The following EDAR variants were observed in gnomAD, a reference collection of about 807,000 sequenced individuals.
EDAR encodes tumor necrosis factor receptor superfamily member EDAR.
A neutral mutation model predicts 51.3 loss-of-function variants in EDAR; 38 were observed. That is an observed-to-expected ratio of 0.74 (90% CI 0.57 to 0.97). EDAR has a LOEUF of 0.97. EDAR is among the 50% of genes least tolerant of loss of function. The probability of loss-of-function intolerance (pLI) is 0.00; values close to 1 mark genes in which losing one functional copy is unlikely to be tolerated. For missense variants in EDAR, 528 were observed against 595.0 expected, an observed-to-expected ratio of 0.89 and a Z score of 1.17; for synonymous variants, 227 against 242.1, an observed-to-expected ratio of 0.94 and a Z score of 0.58.
intron 1 of EDAR, among the ~76,000 whole-genome samples, chr2:108,944,573 G>T (rs1192775444): frequency 1.3e-5 from 2 of 152,124 alleles, no homozygotes; most frequent in Non-Finnish European, 2.9e-5. Flanking sequence ...TCCTTCACAA[G>T]CAGACCTGGC....
chr2:108,933,817 G>T (rs1423695737), intron 1 of EDAR, among the ~76,000 whole-genome samples: 1 of 152,008 alleles, frequency 6.6e-6, no homozygotes, highest in South Asian at 2.1e-4. Flanking sequence ...TCAGGTGGGG[G>T]AGGGTTGGGT....
intron 1 of EDAR, among the ~76,000 whole-genome samples, chr2:108,931,612 C>CT (rs1169271494): frequency 6.6e-6 from 1 of 152,220 alleles, no homozygotes; most frequent in African/African-American, 2.4e-5. Flanking sequence ...CACACAGCTA[C>CT]TTAAGGGATT....
At chr2:108,985,700 G>C (rs1250774066) in intron 1 of EDAR, among the ~76,000 whole-genome samples, 1 of 152,174 alleles carries the variant, frequency 6.6e-6, no homozygotes, top group Admixed American at 6.5e-5. Context: ...TCCAGCATTT[G>C]AGAAATAACA....
chr2:108,927,442 T>C (rs917779495), intron 4 of EDAR, among the ~76,000 whole-genome samples: 6 of 152,202 alleles, frequency 3.9e-5, no homozygotes, highest in African/African-American at 4.8e-5. Context: ...GTCCAACTTC[T>C]TTAGTAATTA....
intron 5 of EDAR, among the ~76,000 whole-genome samples, chr2:108,917,719 C>A (rs1460175007): frequency 6.6e-6 from 1 of 152,134 alleles, no homozygotes; most frequent in East Asian, 1.9e-4. Flanking sequence ...GTGAGGTCAG[C>A]CCCCCACACA....
At chr2:108,901,512 AAG>A (rs1169457676) in intron 11 of EDAR, among the ~76,000 whole-genome samples, 11 of 152,212 alleles carry the variant, frequency 7.2e-5, no homozygotes, top group Non-Finnish European at 1.2e-4. Context: ...TATAAAGTAA[AAG>A]AGATCAATAT....
chr2:108,912,662 T>C lies in EDAR; in HGVS notation c.529+16A>G, dbSNP rs531630290. ...CACCTAACTCCAGGTGATCGATACC[T>C]GAGCACCCTCCTCACCTTTGTGGGC... On this transcript the variant is annotated intron_variant, in intron 6 of 11. Transcript: ENST00000258443. 5.0e-5 allele frequency: 79 copies of C among 1,573,026 alleles called. No individual in the cohort carries two copies. In the South Asian group the frequency reaches 9.1e-4, roughly 18 times the overall value.
In EDAR at chr2:108,972,696, T is replaced by G. The variant is rs7569917; in HGVS notation, c.-19+16264A>C. Reference sequence around the variant, plus strand: ...GATCAGAGAACTTGACGTGATCATTTGAAAAATAAGCAGCCCTCATCTGAT... The same window carrying G: ...GATCAGAGAACTTGACGTGATCATTGGAAAAATAAGCAGCCCTCATCTGAT... On this transcript the variant is annotated intron_variant, in intron 1 of 11. Transcript: ENST00000258443. Among the ~76,000 whole-genome samples the G allele has an allele frequency of 2.5e-4, 38 of 152,350 alleles. No individual in the cohort carries two copies. The East Asian group carries it at 6.2e-3, about 25-fold the overall frequency.
rs1698225814 is a variant in EDAR at position 108,971,193 on chromosome 2, C to T, written c.-19+17767G>A. Among the ~76,000 whole-genome samples, 3 of 152,140 alleles carry T rather than the reference C, an allele frequency of 2.0e-5. No homozygotes were observed. The South Asian group carries it at 6.2e-4, about 32-fold the overall frequency. On this transcript the variant is annotated intron_variant, in intron 1 of 11. Coordinates refer to ENST00000258443, the MANE Select transcript of EDAR (RefSeq NM_022336.4). The stretch of plus-strand genomic sequence containing the variant: ...ATGTTTTCCGTCTCCAACTGGATTC[C>T]TTGTTCCATGAGGGTGGGAATCATC...
chr2:108,923,380 TG>T lies in EDAR; in HGVS notation c.429del (p.Asn144ThrfsTer45). On this transcript the variant is annotated frameshift_variant, in exon 5 of 12. Coordinates refer to ENST00000258443, the MANE Select transcript of EDAR (RefSeq NM_022336.4). LOFTEE classifies it high-confidence loss of function. ...MVCYSCLLAP[P>X]NTKECVGATS... ...CAAAGACACTCACATTCCTTGGTGTTGGGGGGTGCCAGGAGGCAGGAGTAGC... is the reference window on the plus strand; with the variant it reads ...CAAAGACACTCACATTCCTTGGTGTTGGGGGTGCCAGGAGGCAGGAGTAGC... The T allele has an allele frequency of 6.2e-7, 1 of 1,614,108 alleles. No homozygotes were observed. Among genetic ancestry groups the T allele is most frequent in the Non-Finnish European group, 8.5e-7 (1 of 1,180,000 alleles).
At chr2:108,941,575 G>A (rs562315500) in intron 1 of EDAR, among the ~76,000 whole-genome samples, 1 of 152,286 alleles carries the variant, frequency 6.6e-6, no homozygotes, top group African/African-American at 2.4e-5. Context: ...GCACCAGCTG[G>A]GGGCATGGCC....
chr2:108,970,256 T>C (rs999324426), intron 1 of EDAR, among the ~76,000 whole-genome samples: 9 of 152,094 alleles, frequency 5.9e-5, no homozygotes, highest in Admixed American at 2.6e-4. Context: ...GTGGTACGCA[T>C]TTGAGTTAAA....
intron 1 of EDAR, among the ~76,000 whole-genome samples, chr2:108,977,271 G>A (rs1176639500): frequency 2.0e-5 from 3 of 152,066 alleles, no homozygotes; most frequent in Non-Finnish European, 2.9e-5. Flanking sequence ...TGAGAAGCTC[G>A]CCTTTTCTTT....
chr2:108,934,888 G>A (rs1194048171), intron 1 of EDAR, among the ~76,000 whole-genome samples: 3 of 152,216 alleles, frequency 2.0e-5, no homozygotes, highest in Non-Finnish European at 4.4e-5. Flanking sequence ...GCGTGGAAAT[G>A]TCTCTTCCCA....
rs1697357496 is a variant in EDAR, at chr2:108,931,019, T to C, written c.-5A>G. On this transcript the variant is annotated 5_prime_UTR_variant, in exon 2 of 12. Coordinates refer to ENST00000258443, the MANE Select transcript of EDAR (RefSeq NM_022336.4). ...GCAGTCCCCCACATGGGCCATCCTCTCCCAAGGGCTCACCTGAAAGACATG... is the reference window on the plus strand; with the variant it reads ...GCAGTCCCCCACATGGGCCATCCTCCCCCAAGGGCTCACCTGAAAGACATG... 1 of 1,613,868 alleles carries C rather than the reference T, an allele frequency of 6.2e-7. No individual in the cohort carries two copies. Among genetic ancestry groups the C allele is most frequent in the Admixed American group, 1.7e-5 (1 of 60,004 alleles).
At chr2:108,919,856 G>A (rs895328120) in intron 5 of EDAR, among the ~76,000 whole-genome samples, 1 of 152,226 alleles carries the variant, frequency 6.6e-6, no homozygotes, top group African/African-American at 2.4e-5. Flanking sequence ...CCCTGAGTGC[G>A]TAGCTGACTT....
chr2:108,943,473 A>G (rs1697648375), intron 1 of EDAR, among the ~76,000 whole-genome samples: 1 of 152,162 alleles, frequency 6.6e-6, no homozygotes. Flanking sequence ...CTTTTTTCCA[A>G]GGTGAAAGAG....
intron 1 of EDAR, among the ~76,000 whole-genome samples, chr2:108,957,206 TCA>T (rs1697942680): frequency 6.6e-6 from 1 of 152,236 alleles, no homozygotes; most frequent in Non-Finnish European, 1.5e-5. Context: ...GTTCCAGCCC[TCA>T]CACTGCATCT....
At chr2:108,981,467 G>T (rs1574417002) in intron 1 of EDAR, among the ~76,000 whole-genome samples, 1 of 152,130 alleles carries the variant, frequency 6.6e-6, no homozygotes, top group African/African-American at 2.4e-5. Context: ...TGGCCTTGGG[G>T]ATACAAAGAG....
Sources: allele counts gnomAD v4.1 joint callset (sites outside exome capture counted in the v4.1 genomes callset), GRCh38; gene constraint gnomAD v4.1.1; transcripts MANE v1.5; gene names NCBI Gene and HGNC (gene_info 2026-07-23, HGNC 2026-07-21).